SNX29: variants seen among roughly 807,000 people sequenced by gnomAD.
SNX29 encodes sorting nexin 29.
Under a neutral mutation model 102.1 loss-of-function variants are expected in SNX29, and 78 were observed. The ratio of observed to expected loss-of-function variants is 0.76; its 90% CI spans 0.64 to 0.92. The LOEUF is 0.92. Ranked by LOEUF, SNX29 falls within the 40% of genes least tolerant of loss-of-function variation. The pLI is 0.00. For missense variants in SNX29, 1,280 were observed against 1,061.7 expected (o/e 1.21, Z -2.86); for synonymous variants, 580 against 414.5 (o/e 1.40, Z -4.85).
At chr16:12,425,326 C>A (rs1440109879) in intron 18 of SNX29, among the ~76,000 whole-genome samples, 1 of 151,110 alleles carries the variant, frequency 6.6e-6, no homozygotes, top group Non-Finnish European at 1.5e-5. Context: ...CAAATTGAAA[C>A]TGTGGATAAT....
chr16:12,272,888 A>G (rs2079132954), intron 14 of SNX29, among the ~76,000 whole-genome samples: 1 of 152,076 alleles, frequency 6.6e-6, no homozygotes, highest in African/African-American at 2.4e-5. Flanking sequence ...GTGGAAGAGG[A>G]AGGGTAACTG....
chr16:12,255,317 T>C (rs2142422997), intron 14 of SNX29, among the ~76,000 whole-genome samples: 1 of 152,222 alleles, frequency 6.6e-6, no homozygotes, highest in South Asian at 2.1e-4. Context: ...TGCCTCAGCC[T>C]CCCGAGTAGC....
At chr16:12,565,787 G>A (rs1002526687) in intron 20 of SNX29, among the ~76,000 whole-genome samples, 5 of 152,166 alleles carry the variant, frequency 3.3e-5, no homozygotes, top group South Asian at 4.1e-4. Flanking sequence ...CACATCTAGA[G>A]GGCCCTTTAC....
At chr16:12,207,877 C>T (rs1279903866) in intron 14 of SNX29, among the ~76,000 whole-genome samples, 1 of 152,152 alleles carries the variant, frequency 6.6e-6, no homozygotes, top group East Asian at 1.9e-4. Flanking sequence ...GTCTACTCTG[C>T]TAGACCTTGT....
chr16:12,201,345 C>G (rs2076910377), intron 14 of SNX29, among the ~76,000 whole-genome samples: 1 of 152,220 alleles, frequency 6.6e-6, no homozygotes, highest in Non-Finnish European at 1.5e-5. Flanking sequence ...TCACTACATT[C>G]ATTACATACT....
At chr16:12,019,474 G>A (rs1441070183) in intron 3 of SNX29, among the ~76,000 whole-genome samples, 3 of 151,758 alleles carry the variant, frequency 2.0e-5, no homozygotes, top group Non-Finnish European at 4.4e-5. Flanking sequence ...CAAAGTGCTG[G>A]GATTACAAGA....
At chr16:12,562,681 A>C (rs995028599) in intron 20 of SNX29, among the ~76,000 whole-genome samples, 1 of 152,174 alleles carries the variant, frequency 6.6e-6, no homozygotes, top group Non-Finnish European at 1.5e-5. Context: ...ATTTACAGGC[A>C]CTGCCTTCTT....
intron 14 of SNX29, among the ~76,000 whole-genome samples, chr16:12,228,865 C>A (rs532738702): frequency 4.6e-5 from 7 of 152,366 alleles, no homozygotes; most frequent in Non-Finnish European, 1.0e-4. Flanking sequence ...GCCAGAGGGA[C>A]TTCATTGCAA....
intron 15 of SNX29, among the ~76,000 whole-genome samples, chr16:12,350,032 C>G (rs919651853): frequency 2.6e-5 from 4 of 152,236 alleles, no homozygotes; most frequent in Non-Finnish European, 5.9e-5. Flanking sequence ...TTCTTTCCTC[C>G]TCTGATGTTA....
chr16:12,130,856 C>T (rs1214757362), intron 13 of SNX29, among the ~76,000 whole-genome samples: 1 of 152,100 alleles, frequency 6.6e-6, no homozygotes, highest in Non-Finnish European at 1.5e-5. Context: ...GAGCTCCTGA[C>T]ATTTCCTTGT....
At chr16:12,184,233 A>G (rs2076459235) in intron 13 of SNX29, among the ~76,000 whole-genome samples, 1 of 152,112 alleles carries the variant, frequency 6.6e-6, no homozygotes, top group African/African-American at 2.4e-5. Flanking sequence ...GTTCATATTC[A>G]CGGTTCCCTG....
At chr16:12,141,958 C>G (rs2054883398) in intron 13 of SNX29, among the ~76,000 whole-genome samples, 1 of 152,194 alleles carries the variant, frequency 6.6e-6, no homozygotes, top group African/African-American at 2.4e-5. Context: ...TAACCAGCTC[C>G]TATTCCAGAT....
At position 12,380,523 on chromosome 16, in the gene SNX29, ATCCACCTG is replaced by A. The variant is rs2083048088; in HGVS notation, c.1900-17915_1900-17908del. Among the ~76,000 whole-genome samples, 4 of 109,430 alleles carry A rather than the reference ATCCACCTG, an allele frequency of 3.7e-5. No individual in the cohort carries two copies. The South Asian group carries it at 1.0e-3, about 29-fold the overall frequency. 71.8% of individuals were successfully genotyped at this position (109,430 alleles called of 152,430 possible). A position where few individuals can be genotyped will look rare whatever the true frequency, so the allele number is the denominator to read the frequency against. ...CTATCCACCTACCCACCCCTCATCCATCCACCTGTCCACCTACCACCCACCATCCATCC... is the reference window on the plus strand; with the variant it reads ...CTATCCACCTACCCACCCCTCATCCATCCACCTACCACCCACCATCCATCC... On this transcript the variant is annotated intron_variant, in intron 16 of 20. Coordinates refer to ENST00000566228, the MANE Select transcript of SNX29 (RefSeq NM_032167.5).
At chr16:12,539,677 C>CTGCACCCTGGGCAGCATGTCATACTGTCA (rs1271718409) in intron 20 of SNX29, among the ~76,000 whole-genome samples, 13 of 152,204 alleles carry the variant, frequency 8.5e-5, no homozygotes, top group Non-Finnish European at 1.8e-4. Context: ...CCCAGTTGCT[C>CTGCACCCTGGGCAGCATGTCATACTGTCA]TGCACCCTGG....
At position 12,430,483 on chromosome 16, in the gene SNX29, A is replaced by G. The variant is rs59781905; in HGVS notation, c.2037+26954A>G. Among the ~76,000 whole-genome samples the G allele has an allele frequency of 7.4e-3, 1,130 of 152,340 alleles. 18 individuals carry two copies. Among genetic ancestry groups the G allele is most frequent in the African/African-American group, 0.025 (1,026 of 41,574 alleles). Reference sequence around the variant, plus strand: ...TGGAATTGGTCATTCCTGAGTTTGCATCCCAGCTCTGCCCTCAGAGATCTA... The same window carrying G: ...TGGAATTGGTCATTCCTGAGTTTGCGTCCCAGCTCTGCCCTCAGAGATCTA... On this transcript the variant is annotated intron_variant, in intron 18 of 20. Transcript: ENST00000566228.
At chr16:12,524,313 G>A (rs1048462194) in intron 19 of SNX29, among the ~76,000 whole-genome samples, 2 of 152,004 alleles carry the variant, frequency 1.3e-5, no homozygotes, top group Non-Finnish European at 2.9e-5. Context: ...CCGCTGACCT[G>A]TGTGGTCACT....
At chr16:12,427,859 C>T (rs1283649120) in intron 18 of SNX29, among the ~76,000 whole-genome samples, 2 of 152,204 alleles carry the variant, frequency 1.3e-5, no homozygotes, top group South Asian at 4.1e-4. Flanking sequence ...AAAGGAGAAA[C>T]CTTCTGAGGG....
At chr16:12,199,311 C>T (rs2076855690) in intron 13 of SNX29, among the ~76,000 whole-genome samples, 1 of 152,156 alleles carries the variant, frequency 6.6e-6, no homozygotes, top group South Asian at 2.1e-4. Context: ...TGGGTAGCTC[C>T]AAACAGCCTA....
chr16:12,301,220 A>G (rs1416484503), intron 15 of SNX29, among the ~76,000 whole-genome samples: 1 of 152,090 alleles, frequency 6.6e-6, no homozygotes, highest in African/African-American at 2.4e-5. Flanking sequence ...CACAAATCTA[A>G]CTTGCCATTT....
Sources: gnomAD v4.1 joint callset for allele counts (sites outside exome capture counted in the v4.1 genomes callset) on GRCh38, gnomAD v4.1.1 for gene constraint, MANE v1.5 for transcripts, NCBI Gene and HGNC (gene_info 2026-07-23, HGNC 2026-07-21) for gene names.